The following KCNMA1 variants were observed in gnomAD, a reference collection of about 807,000 sequenced individuals.
KCNMA1 encodes Calcium-activated potassium channel subunit alpha-1.
In KCNMA1, 29 loss-of-function variants were observed where a neutral mutation model predicts 140.0. The observed-to-expected ratio is 0.21, with a 90% CI of 0.15 to 0.28. The LOEUF is 0.28. Among genes scored for constraint, KCNMA1 ranks in the 10% least tolerant of loss-of-function variants. The pLI, the probability that KCNMA1 is intolerant of heterozygous loss-of-function variation, is 1.00. For missense variants in KCNMA1, 880 were observed against 1,602.2 expected (o/e 0.55, Z 7.70); for synonymous variants, 612 against 611.9 (o/e 1.00, Z 0.00).
At chr10:76,955,837 T>G (rs568106750) in intron 20 of KCNMA1, among the ~76,000 whole-genome samples, 1 of 152,158 alleles carries the variant, frequency 6.6e-6, no homozygotes, top group African/African-American at 2.4e-5. Flanking sequence ...TTTGAGAAAA[T>G]GAACAAAATT....
intron 1 of KCNMA1, among the ~76,000 whole-genome samples, chr10:77,578,090 C>T (rs2074780960): frequency 6.6e-6 from 1 of 152,226 alleles, no homozygotes; most frequent in Admixed American, 6.5e-5. Flanking sequence ...TCCAGCAACA[C>T]ACCACTGGTG....
At chr10:76,904,024 A>G (rs1001774867) in intron 25 of KCNMA1, 6 of 152,214 alleles carry the variant, frequency 3.9e-5, no homozygotes, top group African/African-American at 7.2e-5. Context: ...ATATATATAC[A>G]TATATGTACA....
chr10:77,554,597 C>CAAAAAAAAAAAAAAAAAAA (rs59754706), intron 1 of KCNMA1, among the ~76,000 whole-genome samples: 10 of 84,086 alleles, frequency 1.2e-4, no homozygotes, highest in East Asian at 3.3e-4. Context: ...TACTCCATCT[C>CAAAAAAAAAAAAAAAAAAA]AAAAAAAAAA....
intron 12 of KCNMA1, among the ~76,000 whole-genome samples, chr10:77,083,323 C>T (rs564782012): frequency 6.6e-6 from 1 of 152,256 alleles, no homozygotes; most frequent in Admixed American, 6.5e-5. Flanking sequence ...TTCATTGTCA[C>T]ACAATGTGAC....
chr10:77,452,177 C>T (rs12253173), intron 1 of KCNMA1, among the ~76,000 whole-genome samples: 16,712 of 152,160 alleles, frequency 0.11, 1,343 homozygotes, highest in African/African-American at 0.23. Context: ...CTGATCTTTT[C>T]GCCTGCCATG....
In KCNMA1 at chr10:77,282,137, C is replaced by G. The variant is rs138815366; in HGVS notation, c.541-30881G>C. Among the ~76,000 whole-genome samples, 969 of 152,288 alleles carry G rather than the reference C, an allele frequency of 6.4e-3. 8 individuals are homozygous for G. Among genetic ancestry groups the G allele is most frequent in the African/African-American group, 0.022 (905 of 41,548 alleles). ...ACTATCACTTAGTCTTTCTCCCCAG[C>G]TTTTTCCCACTTTCCTCCCATCCCT... is the stretch of plus-strand genomic sequence containing the variant. On this transcript the variant is annotated intron_variant, in intron 2 of 27. Transcript: ENST00000286628.
chr10:77,489,395 G>A (rs2098504756), intron 1 of KCNMA1, among the ~76,000 whole-genome samples: 1 of 152,044 alleles, frequency 6.6e-6, no homozygotes, highest in Non-Finnish European at 1.5e-5. Context: ...GAGTGGAGTG[G>A]CACGATCTTG....
chr10:77,140,972 T>A (rs1447721237), intron 5 of KCNMA1, among the ~76,000 whole-genome samples: 1 of 152,124 alleles, frequency 6.6e-6, no homozygotes, highest in African/African-American at 2.4e-5. Flanking sequence ...TCGTTTCTTT[T>A]ATTTTAGTAA....
intron 15 of KCNMA1, among the ~76,000 whole-genome samples, chr10:77,028,729 C>T (rs1176715754): frequency 1.3e-5 from 2 of 152,130 alleles, no homozygotes; most frequent in African/African-American, 4.8e-5. Flanking sequence ...AACTTTGTCT[C>T]CTTAACCAGA....
intron 1 of KCNMA1, among the ~76,000 whole-genome samples, chr10:77,472,080 T>C (rs1797370909): frequency 1.4e-5 from 2 of 144,822 alleles, no homozygotes; most frequent in South Asian, 4.5e-4. Context: ...ACCATACACA[T>C]ACCACACACA....
intron 1 of KCNMA1, among the ~76,000 whole-genome samples, chr10:77,581,135 C>G (rs2075756350): frequency 6.6e-6 from 1 of 152,178 alleles, no homozygotes; most frequent in African/African-American, 2.4e-5. Flanking sequence ...GCCAATCTCA[C>G]TCAGGTCTCA....
chr10:77,288,272 T>A (rs557485002), intron 2 of KCNMA1, among the ~76,000 whole-genome samples: 8 of 152,350 alleles, frequency 5.3e-5, no homozygotes, highest in African/African-American at 1.9e-4. Context: ...AACAGTTTAT[T>A]CAGATCACCA....
At chr10:77,595,133 G>A (rs1178415060) in intron 1 of KCNMA1, among the ~76,000 whole-genome samples, 1 of 152,192 alleles carries the variant, frequency 6.6e-6, no homozygotes, top group East Asian at 1.9e-4. Context: ...ATCACGTGAG[G>A]TGAGGAGTTC....
chr10:77,079,365 TGA>T, intron 13 of KCNMA1, 114 bp downstream of exon 13: 1 of 645,292 alleles, frequency 1.5e-6, no homozygotes, highest in Non-Finnish European at 2.8e-6. Context: ...TGTGGGCATG[TGA>T]GAGTGTGTGT....
chr10:77,215,864 C>G (rs1485915720), intron 3 of KCNMA1, among the ~76,000 whole-genome samples: 1 of 151,138 alleles, frequency 6.6e-6, no homozygotes, highest in Non-Finnish European at 1.5e-5. Context: ...TGAGCTTGCC[C>G]CTCCCCCCCA....
At chr10:77,539,458 G>A (rs554413706) in intron 1 of KCNMA1, among the ~76,000 whole-genome samples, 45 of 152,354 alleles carry the variant, frequency 3.0e-4, no homozygotes, top group Non-Finnish European at 6.0e-4. Context: ...GAGCATGGAG[G>A]TGAGGCAGAA....
chr10:77,117,032 G>A (rs2097490758), intron 6 of KCNMA1, among the ~76,000 whole-genome samples: 1 of 152,132 alleles, frequency 6.6e-6, no homozygotes, highest in African/African-American at 2.4e-5. Context: ...CCATTTCTAA[G>A]TTCATGTCAG....
At chr10:77,305,291 T>C (rs1018911025) in intron 2 of KCNMA1, among the ~76,000 whole-genome samples, 6 of 152,234 alleles carry the variant, frequency 3.9e-5, no homozygotes, top group African/African-American at 1.4e-4. Context: ...ATCGTCATAG[T>C]CATTTTATGA....
chr10:77,615,038 T>C (rs1277092189), intron 1 of KCNMA1, among the ~76,000 whole-genome samples: 1 of 152,118 alleles, frequency 6.6e-6, no homozygotes, highest in African/African-American at 2.4e-5. Flanking sequence ...GAACACATAA[T>C]CCCTGATAGA....
Sources: gnomAD v4.1 joint callset for allele counts (sites outside exome capture counted in the v4.1 genomes callset) on GRCh38, gnomAD v4.1.1 for gene constraint, MANE v1.5 for transcripts, NCBI Gene and HGNC (gene_info 2026-07-23, HGNC 2026-07-21) for gene names.